The following ABHD18 variants were observed in gnomAD, a reference collection of about 807,000 sequenced individuals.
The protein encoded by ABHD18 is cardiolipin-specific deacylase, mitochondrial.
ABHD18 carries 55 observed loss-of-function variants against 65.9 expected under a neutral mutation model. The ratio of observed to expected loss-of-function variants is 0.84; its 90% CI spans 0.67 to 1.05. The LOEUF is 1.05. Ranked by LOEUF, ABHD18 falls within the 50% of genes least tolerant of loss-of-function variation. ABHD18 has a pLI of 0.00. For missense variants in ABHD18, 533 were observed against 558.5 expected (o/e 0.95, Z 0.46); for synonymous variants, 181 against 180.2 (o/e 1.00, Z -0.04).
chr4:127,984,476 G>C, intron 3 of ABHD18, 53 bp downstream of exon 3: 1 of 1,026,214 alleles, frequency 9.7e-7, no homozygotes, highest in African/African-American at 1.6e-5. Context: ...ACATAAATAT[G>C]TCTAAGAATA....
chr4:128,019,447 T>G (rs1756099518), intron 8 of ABHD18, among the ~76,000 whole-genome samples: 1 of 152,166 alleles, frequency 6.6e-6, no homozygotes, highest in Non-Finnish European at 1.5e-5. Context: ...TTGCCTTTGA[T>G]CATACTGATT....
At chr4:128,019,123 G>T (rs1361800375) in intron 8 of ABHD18, among the ~76,000 whole-genome samples, 1 of 152,176 alleles carries the variant, frequency 6.6e-6, no homozygotes, top group African/African-American at 2.4e-5. Flanking sequence ...ACCTAGGTCA[G>T]GTCCTTATAA....
At chr4:127,980,324 C>T (rs1055476523) in intron 1 of ABHD18, among the ~76,000 whole-genome samples, 1 of 152,222 alleles carries the variant, frequency 6.6e-6, no homozygotes, top group African/African-American at 2.4e-5. Context: ...GTTTCCCCCT[C>T]AACCTTGGAC....
At chr4:128,006,345 T>C (rs561780469) in intron 4 of ABHD18, among the ~76,000 whole-genome samples, 9 of 152,276 alleles carry the variant, frequency 5.9e-5, no homozygotes, top group African/African-American at 1.7e-4. Context: ...ATCTTTAAAA[T>C]ATCAGGAAAC....
chr4:128,019,281 C>T (rs970735028), intron 8 of ABHD18, among the ~76,000 whole-genome samples: 20 of 152,174 alleles, frequency 1.3e-4, no homozygotes, highest in African/African-American at 3.9e-4. Context: ...TATTAATTCC[C>T]GATTATCTAT....
rs200635780 is a variant in ABHD18 at position 127,984,045 on chromosome 4, A to G, written c.93-294A>G. 1.9e-4 allele frequency among the ~76,000 whole-genome samples: 27 copies of G among 138,930 alleles called. No homozygotes were observed. In the East Asian group the frequency reaches 6.5e-3, roughly 34 times the overall value. The allele number at this position is 138,930 out of a possible 152,430, so 91.1% of individuals were successfully genotyped here. On this transcript the variant is annotated intron_variant, in intron 2 of 12. Coordinates refer to ENST00000645843, the MANE Select transcript of ABHD18 (RefSeq NM_001358451.3). ...GAGCGAGACTCCGTCTCAAGGGGGAAAAAAAAAAAAAGAAAGAAAATGAAT... is the reference window on the plus strand; with the variant it reads ...GAGCGAGACTCCGTCTCAAGGGGGAGAAAAAAAAAAAGAAAGAAAATGAAT...
intron 4 of ABHD18, among the ~76,000 whole-genome samples, chr4:127,991,999 T>C (rs112639204): frequency 1.2e-4 from 18 of 152,294 alleles, no homozygotes; most frequent in African/African-American, 3.9e-4. Context: ...TGATAACCTC[T>C]GAATGAAAGG....
At position 128,039,371 on chromosome 4, in the gene ABHD18, T is replaced by C. The variant is rs987526909; in HGVS notation, c.*3558T>C. On this transcript the variant is annotated 3_prime_UTR_variant, in exon 13 of 13. Transcript: ENST00000645843. Reference sequence around the variant, plus strand: ...TGTTTGAATTTGAAAAGTCTTTTGATTGGGTGTGTGTTCCCCAGTTTGCCA... The same window carrying C: ...TGTTTGAATTTGAAAAGTCTTTTGACTGGGTGTGTGTTCCCCAGTTTGCCA... 6.6e-6 allele frequency: 1 copy of C among 151,978 alleles called. No individual in the cohort carries two copies. The highest frequency in any genetic ancestry group is 2.4e-5 in the African/African-American group (1 of 41,430). The allele number at this position is 151,978 out of a possible 1,614,324, so 9.4% of individuals were successfully genotyped here.
intron 10 of ABHD18, among the ~76,000 whole-genome samples, chr4:128,026,118 G>A (rs1309784012): frequency 6.6e-6 from 1 of 151,990 alleles, no homozygotes; most frequent in Non-Finnish European, 1.5e-5. Context: ...GTGAAACCCC[G>A]TCTCTACTTA....
intron 3 of ABHD18, among the ~76,000 whole-genome samples, chr4:127,985,761 T>C (rs941691227): frequency 1.3e-5 from 2 of 152,050 alleles, no homozygotes; most frequent in African/African-American, 4.8e-5. Flanking sequence ...CCCAGCACTT[T>C]GGGAGGCCAA....
intron 1 of ABHD18, among the ~76,000 whole-genome samples, chr4:127,972,568 T>G (rs1402684267): frequency 7.6e-6 from 1 of 131,688 alleles, no homozygotes; most frequent in Non-Finnish European, 1.6e-5. Flanking sequence ...TCGCTCTGGC[T>G]AATTTTTGTG....
rs1165529198 is a variant in ABHD18 at position 127,983,029 on chromosome 4, G to A, written c.74G>A (p.Arg25Lys). Residue 25 changes from arginine to lysine, a missense_variant, in exon 2 of 13, where the codon AGG (arginine) becomes AAG (lysine). Transcript: ENST00000645843. ...LTKLFIRGWG[R>K]PEDLKRLFEF... ...AAACTTTTTATCAGAGGATGGGGAA[G>A]GCCAGAAGATCTCAAAAGGCAAGCA... 3.2e-6 allele frequency: 5 copies of A among 1,557,614 alleles called. No individual in the cohort carries two copies. Among genetic ancestry groups the A allele is most frequent in the Non-Finnish European group, 4.3e-6 (5 of 1,149,716 alleles).
intron 7 of ABHD18, among the ~76,000 whole-genome samples, chr4:128,013,314 T>C (rs992604812): frequency 1.3e-5 from 2 of 152,128 alleles, no homozygotes; most frequent in Non-Finnish European, 2.9e-5. Flanking sequence ...AACTAGGTAG[T>C]AGTGGAAATG....
At chr4:128,032,884 T>C (rs72618822) in intron 12 of ABHD18, among the ~76,000 whole-genome samples, 4,606 of 152,294 alleles carry the variant, frequency 0.03, 307 homozygotes, top group East Asian at 0.27. Context: ...TTGTAACTTT[T>C]GGCACCAGGA....
At chr4:128,019,895 G>A (rs1756183020) in intron 8 of ABHD18, among the ~76,000 whole-genome samples, 185 bp from the exon 9 acceptor site, 1 of 152,196 alleles carries the variant, frequency 6.6e-6, no homozygotes, top group East Asian at 1.9e-4. Flanking sequence ...ATCTAAGGGG[G>A]AAATTAAATG....
chr4:127,983,572 C>G lies in ABHD18; in HGVS notation c.92+525C>G, dbSNP rs954937724. ...AGATGGTAAAACCATCTCTACTAAA[C>G]ATAAAAAAATTGGCTGGGCGCGGTG... On this transcript the variant is annotated intron_variant, in intron 2 of 12. Transcript: ENST00000645843. 2.0e-5 allele frequency among the ~76,000 whole-genome samples: 3 copies of G among 151,730 alleles called. No homozygotes were observed. The South Asian group carries it at 6.2e-4, about 31-fold the overall frequency.
At chr4:128,019,843 G>A (rs769126994) in intron 8 of ABHD18, among the ~76,000 whole-genome samples, 10 of 152,148 alleles carry the variant, frequency 6.6e-5, no homozygotes, top group East Asian at 3.8e-4. Flanking sequence ...AGCTCTCAGC[G>A]AATGGTCTTG....
At chr4:128,002,219 G>A (rs1334712066) in intron 4 of ABHD18, among the ~76,000 whole-genome samples, 2 of 152,044 alleles carry the variant, frequency 1.3e-5, no homozygotes, top group Non-Finnish European at 2.9e-5. Context: ...AGGTTGCGGT[G>A]AGCCAAGATC....
intron 3 of ABHD18, among the ~76,000 whole-genome samples, chr4:127,985,748 T>C (rs1211707462): frequency 1.3e-5 from 2 of 151,978 alleles, no homozygotes; most frequent in South Asian, 2.1e-4. Context: ...GAGATAAAGA[T>C]ACCCCAGCAC....
Sources: allele counts gnomAD v4.1 joint callset (sites outside exome capture counted in the v4.1 genomes callset), GRCh38; gene constraint gnomAD v4.1.1; transcripts MANE v1.5; gene names NCBI Gene and HGNC (gene_info 2026-07-23, HGNC 2026-07-21).